Variants in GATAD2B observed in about 807,000 individuals in gnomAD.
GATAD2B encodes the protein GATA zinc finger domain containing 2B.
A neutral mutation model predicts 64.3 loss-of-function variants in GATAD2B; 8 were observed. That is an observed-to-expected ratio of 0.12 (90% confidence interval 0.07 to 0.22). GATAD2B has a LOEUF of 0.22. GATAD2B is among the 10% of genes least tolerant of loss of function. GATAD2B has a pLI of 1.00. For missense variants in GATAD2B, 453 were observed against 752.0 expected, an observed-to-expected ratio of 0.60 and a Z score of 4.65; for synonymous variants, 281 against 271.3, an observed-to-expected ratio of 1.04 and a Z score of -0.35.
At chr1:153,877,121 G>A (rs920640195) in intron 1 of GATAD2B, among the ~76,000 whole-genome samples, 3 of 152,166 alleles carry the variant, frequency 2.0e-5, no homozygotes, top group African/African-American at 7.2e-5. Flanking sequence ...GACTGCTTAA[G>A]GCCAGGAGTT....
At chr1:153,826,396 A>G (rs1018273561) in intron 2 of GATAD2B, among the ~76,000 whole-genome samples, 3 of 152,016 alleles carry the variant, frequency 2.0e-5, no homozygotes, top group African/African-American at 7.2e-5. Flanking sequence ...TGGGAGGCAG[A>G]GGTGGGCAGA....
intron 1 of GATAD2B, among the ~76,000 whole-genome samples, chr1:153,918,032 A>G (rs936285156): frequency 2.0e-5 from 3 of 152,232 alleles, no homozygotes; most frequent in Admixed American, 2.0e-4. Flanking sequence ...AGAAGGAATC[A>G]CTTGGTCTTA....
rs367710395 is a variant in GATAD2B at position 153,874,474 on chromosome 1, T to G, written c.-1-46126A>C. Among the ~76,000 whole-genome samples the G allele has an allele frequency of 1.1e-4, 16 of 152,272 alleles. No homozygotes were observed. The South Asian group carries it at 2.9e-3, about 28-fold the overall frequency. On this transcript the variant is annotated intron_variant, in intron 1 of 10. Transcript: ENST00000368655. ...ATTAGCCATGTCAATAGACCCTCCC[T>G]TCTTCAAAATCCTATTCCTAAAAAT...
chr1:153,904,687 G>A (rs558298655), intron 1 of GATAD2B, among the ~76,000 whole-genome samples: 49 of 152,040 alleles, frequency 3.2e-4, no homozygotes, highest in Admixed American at 1.2e-3. Context: ...GACTATAGGC[G>A]TGTGCCACCA....
chr1:153,845,738 A>G (rs1321212139), intron 1 of GATAD2B, among the ~76,000 whole-genome samples: 1 of 152,082 alleles, frequency 6.6e-6, no homozygotes, highest in Admixed American at 6.6e-5. Flanking sequence ...AGCCTGGGTG[A>G]CAGAGCAAGA....
chr1:153,852,765 C>G, intron 1 of GATAD2B: 2 of 938,126 alleles, frequency 2.1e-6, no homozygotes, highest in South Asian at 2.6e-5. Context: ...ACAGGGATCC[C>G]AGTCTAACAT....
intron 1 of GATAD2B, among the ~76,000 whole-genome samples, chr1:153,871,215 C>A (rs1397711465): frequency 6.6e-6 from 1 of 152,162 alleles, no homozygotes; most frequent in Non-Finnish European, 1.5e-5. Flanking sequence ...TACAGGTGAG[C>A]ACCACCATGC....
intron 2 of GATAD2B, among the ~76,000 whole-genome samples, chr1:153,825,903 G>A (rs1468546121): frequency 2.6e-5 from 4 of 152,062 alleles, no homozygotes; most frequent in Admixed American, 2.0e-4. Flanking sequence ...TTCTGCTTTG[G>A]ATGAGTCCTA....
chr1:153,841,351 C>G (rs1158306945), intron 1 of GATAD2B, among the ~76,000 whole-genome samples: 1 of 152,084 alleles, frequency 6.6e-6, no homozygotes, highest in Admixed American at 6.6e-5. Context: ...TTTGTAAGTT[C>G]ATGTATCCAT....
chr1:153,918,343 T>C (rs560979884), intron 1 of GATAD2B, among the ~76,000 whole-genome samples: 1 of 152,322 alleles, frequency 6.6e-6, no homozygotes, highest in East Asian at 1.9e-4. Flanking sequence ...ACTAGTCCAA[T>C]CTGCCACATA....
intron 1 of GATAD2B, among the ~76,000 whole-genome samples, chr1:153,891,173 T>C (rs1317940928): frequency 1.5e-5 from 2 of 135,820 alleles, no homozygotes; most frequent in African/African-American, 5.6e-5. Context: ...GACAGCGAGA[T>C]TCCGCCTCAA....
Position 153,859,280 on chromosome 1 carries a change from T to C in GATAD2B, c.-1-30932A>G, listed in dbSNP as rs995815656. On this transcript the variant is annotated intron_variant, in intron 1 of 10. Transcript: ENST00000368655. ...TACTCAGGAGGCTGGGGTGGGAGGA[T>C]TGCTTGAGCCTGGGGGATCTAGTCT... 7.3e-5 allele frequency among the ~76,000 whole-genome samples: 11 copies of C among 151,590 alleles called. No homozygotes were observed. In the South Asian group the frequency reaches 1.7e-3, roughly 23 times the overall value.
In GATAD2B at chr1:153,811,722, C is replaced by A; in HGVS notation, c.1648+9G>T. 1 of 1,529,762 alleles carries A rather than the reference C, an allele frequency of 6.5e-7. No individual in the cohort carries two copies. 94.8% of individuals were successfully genotyped at this position (1,529,762 alleles called of 1,614,324 possible). A position where few individuals can be genotyped will look rare whatever the true frequency, so the allele number is the denominator to read the frequency against. On this transcript the variant is annotated intron_variant, in intron 10 of 10. Transcript: ENST00000368655. ...CCATGAGAAACATTTTCAGATTAAT[C>A]CTTCTTACCTGGCATACCAAGGAGG... is the stretch of plus-strand genomic sequence containing the variant.
intron 1 of GATAD2B, among the ~76,000 whole-genome samples, chr1:153,882,168 C>T (rs1466816343): frequency 6.6e-6 from 1 of 152,006 alleles, no homozygotes; most frequent in African/African-American, 2.4e-5. Context: ...AACTATCCCC[C>T]CATCATTGCA....
intron 1 of GATAD2B, among the ~76,000 whole-genome samples, chr1:153,917,049 AC>A (rs571648459): frequency 6.8e-6 from 1 of 147,354 alleles, no homozygotes; most frequent in African/African-American, 2.5e-5. Context: ...CTCGTGATCT[AC>A]CCCCCTCGGC....
Position 153,818,817 on chromosome 1 carries a change from G to A in GATAD2B, c.571C>T (p.Leu191=). Residue 191 remains leucine, a synonymous_variant, in exon 4 of 11, where the codon CTA becomes TTA. Transcript: ENST00000368655. ...TTCTGGACCACATTCTCTTTCTGTA[G>A]CTGACTCTGTCTCAGTTTCTTTAAC... ...VLLKKLRQSQ[L]QKENVVQKTP... 1 of 1,613,548 alleles carries A rather than the reference G, an allele frequency of 6.2e-7. No homozygotes were observed.
At chr1:153,863,202 C>T (rs1424582158) in intron 1 of GATAD2B, among the ~76,000 whole-genome samples, 3 of 152,084 alleles carry the variant, frequency 2.0e-5, no homozygotes, top group South Asian at 2.1e-4. Context: ...GGAAAGTGGC[C>T]GAGCACGGTG....
intron 1 of GATAD2B, among the ~76,000 whole-genome samples, chr1:153,841,134 A>AG (rs1382230563): frequency 6.6e-6 from 1 of 151,574 alleles, no homozygotes; most frequent in Non-Finnish European, 1.5e-5. Context: ...CAAAAAAAAA[A>AG]AAAAAAAGAA....
chr1:153,844,169 GTGCT>G (rs1031866195), intron 1 of GATAD2B, among the ~76,000 whole-genome samples: 10 of 152,090 alleles, frequency 6.6e-5, no homozygotes, highest in African/African-American at 2.4e-4. Flanking sequence ...GGATATCAGA[GTGCT>G]GATCAGCACA....
Sources: gnomAD v4.1 joint callset for allele counts (sites outside exome capture counted in the v4.1 genomes callset) on GRCh38, gnomAD v4.1.1 for gene constraint, MANE v1.5 for transcripts, NCBI Gene and HGNC (gene_info 2026-07-23, HGNC 2026-07-21) for gene names.